ATP10D: variants seen among roughly 807,000 people sequenced by gnomAD.
The protein encoded by ATP10D is ATPase phospholipid transporting 10D (putative).
ATP10D carries 89 observed loss-of-function variants against 144.8 expected under a neutral mutation model. The ratio of observed to expected loss-of-function variants is 0.61; its 90% CI spans 0.52 to 0.73. The LOEUF is 0.73. ATP10D is among the 30% of genes least tolerant of loss of function. The pLI, the probability that ATP10D is intolerant of heterozygous loss-of-function variation, is 0.00. For synonymous variants in ATP10D, 571 were observed against 615.1 expected, an observed-to-expected ratio of 0.93 and a Z score of 1.06; for missense variants, 1,603 against 1,714.8, an observed-to-expected ratio of 0.93 and a Z score of 1.15.
intron 9 of ATP10D, among the ~76,000 whole-genome samples, chr4:47,543,864 C>T (rs903404393): frequency 2.6e-4 from 39 of 151,946 alleles, no homozygotes; most frequent in African/African-American, 8.9e-4. Flanking sequence ...TATATATATG[C>T]ATGAAAAAAG....
intron 1 of ATP10D, among the ~76,000 whole-genome samples, chr4:47,488,612 C>CAAAAAAAAAAAAAAAAAAAAA (rs56859197): frequency 1.1e-5 from 1 of 91,318 alleles, no homozygotes; most frequent in Non-Finnish European, 2.3e-5. Context: ...ATATAATAAG[C>CAAAAAAAAAAAAAAAAAAAAA]AAAAAAAAAA....
At chr4:47,531,924 CTG>C (rs964923270) in intron 5 of ATP10D, among the ~76,000 whole-genome samples, 18 of 152,294 alleles carry the variant, frequency 1.2e-4, no homozygotes, top group African/African-American at 4.1e-4. Context: ...AGTCTACACT[CTG>C]TGGTCTGGAG....
At chr4:47,578,290 A>G (rs1365589532) in intron 19 of ATP10D, 2 of 152,072 alleles carry the variant, frequency 1.3e-5, no homozygotes, top group African/African-American at 2.4e-5. Flanking sequence ...CATGAAATAT[A>G]CTCTCCAGAG....
Position 47,512,515 on chromosome 4 carries a change from A to C in ATP10D, c.-26A>C. On this transcript the variant is annotated 5_prime_UTR_variant, in exon 2 of 23. Transcript: ENST00000273859. ...TGTTTGTTTGCCAGGTCAGCTACAC[A>C]ACCTGGATCTTACCACAGTTTGGAT... 1 of 1,573,256 alleles carries C rather than the reference A, an allele frequency of 6.4e-7. No individual in the cohort carries two copies. The highest frequency in any genetic ancestry group is 8.7e-7 in the Non-Finnish European group (1 of 1,155,410).
intron 1 of ATP10D, among the ~76,000 whole-genome samples, chr4:47,496,046 T>C (rs1715346894): frequency 1.3e-5 from 2 of 152,082 alleles, no homozygotes; most frequent in South Asian, 4.1e-4. Flanking sequence ...CTAAACATCA[T>C]TTTTAACAGC....
chr4:47,516,345 T>C (rs1716688918), intron 3 of ATP10D, among the ~76,000 whole-genome samples: 1 of 152,152 alleles, frequency 6.6e-6, no homozygotes, highest in Non-Finnish European at 1.5e-5. Context: ...GGAGGTCTTT[T>C]TAGGGGCATA....
At chr4:47,545,936 A>C (rs1718398297) in intron 9 of ATP10D, among the ~76,000 whole-genome samples, 1 of 152,140 alleles carries the variant, frequency 6.6e-6, no homozygotes, top group Non-Finnish European at 1.5e-5. Flanking sequence ...GCAGGTAGAG[A>C]AGGAAGGTGC....
intron 10 of ATP10D, among the ~76,000 whole-genome samples, chr4:47,550,487 TG>T (rs201567400): frequency 1.5e-4 from 22 of 150,052 alleles, no homozygotes; most frequent in African/African-American, 5.1e-4. Context: ...GTCATGGGGT[TG>T]GGGGGGGCGG....
At chr4:47,576,721 A>G (rs1720261386) in intron 18 of ATP10D, 52 bp from the exon 19 acceptor site, 4 of 1,532,288 alleles carry the variant, frequency 2.6e-6, no homozygotes, top group Non-Finnish European at 2.7e-6. Context: ...ATGTGTAATC[A>G]TAGCACACAT....
intron 9 of ATP10D, among the ~76,000 whole-genome samples, chr4:47,545,458 G>A (rs1278019206): frequency 1.3e-5 from 2 of 152,220 alleles, no homozygotes; most frequent in South Asian, 2.1e-4. Context: ...AAGGAGACCA[G>A]TTATGAGACT....
chr4:47,535,387 G>A (rs972847315), intron 5 of ATP10D, 122 bp from the exon 6 acceptor site: 1 of 684,336 alleles, frequency 1.5e-6, no homozygotes, highest in Non-Finnish European at 2.3e-6. Context: ...CCAGAGATTT[G>A]AAAACTTTCT....
chr4:47,523,239 G>C, intron 4 of ATP10D, 23 bp downstream of exon 4: 1 of 1,594,910 alleles, frequency 6.3e-7, no homozygotes, highest in Non-Finnish European at 8.6e-7. Context: ...TTCTCAGTTA[G>C]TGGCTTATTA....
chr4:47,584,490 T>C (rs1720686383), intron 21 of ATP10D, among the ~76,000 whole-genome samples: 1 of 152,166 alleles, frequency 6.6e-6, no homozygotes, highest in Non-Finnish European at 1.5e-5. Flanking sequence ...CCTCCCAGGT[T>C]CATGCCATTC....
chr4:47,524,201 C>T (rs1043890730), intron 4 of ATP10D, among the ~76,000 whole-genome samples: 1 of 152,118 alleles, frequency 6.6e-6, no homozygotes, highest in Non-Finnish European at 1.5e-5. Context: ...GCTGGGATTA[C>T]AAGAGTGAGC....
At position 47,494,061 on chromosome 4, in the gene ATP10D, A is replaced by G. The variant is rs138200428; in HGVS notation, c.-38+8542A>G. 1.4e-3 allele frequency among the ~76,000 whole-genome samples: 216 copies of G among 152,282 alleles called. 1 individual carries two copies. Among genetic ancestry groups the G allele is most frequent in the Admixed American group, 2.5e-3 (38 of 15,300 alleles). ...AAAAGTCATTAATTTAATACATGAA[A>G]CTGAAAACAACAGTCAGAAACACAA... On this transcript the variant is annotated intron_variant, in intron 1 of 22. Transcript: ENST00000273859.
intron 14 of ATP10D, among the ~76,000 whole-genome samples, chr4:47,562,486 A>G (rs1425569516): frequency 1.3e-5 from 2 of 152,226 alleles, no homozygotes; most frequent in Admixed American, 6.5e-5. Context: ...AATTAAAACC[A>G]CAATGAGATA....
chr4:47,543,297 A>G (rs1718253046), intron 9 of ATP10D, among the ~76,000 whole-genome samples: 1 of 152,198 alleles, frequency 6.6e-6, no homozygotes. Context: ...GTCTTGGAAC[A>G]TATCCCCTGT....
At chr4:47,575,512 C>G (rs1156798505) in intron 18 of ATP10D, among the ~76,000 whole-genome samples, 1 of 152,160 alleles carries the variant, frequency 6.6e-6, no homozygotes, top group Non-Finnish European at 1.5e-5. Context: ...GACCACTCTG[C>G]TGGCACCATT....
intron 14 of ATP10D, 119 bp from the exon 15 acceptor site, chr4:47,563,461 TG>T: frequency 1.2e-6 from 1 of 802,174 alleles, no homozygotes; most frequent in Non-Finnish European, 1.8e-6. Context: ...CCTGAGCAGC[TG>T]GGCAGTTTAT....
Sources: allele counts gnomAD v4.1 joint callset (sites outside exome capture counted in the v4.1 genomes callset), GRCh38; gene constraint gnomAD v4.1.1; transcripts MANE v1.5; gene names NCBI Gene and HGNC (gene_info 2026-07-23, HGNC 2026-07-21).